FBXL7: variants seen among roughly 807,000 people sequenced by gnomAD.
FBXL7 encodes F-box/LRR-repeat protein 7.
FBXL7 carries 12 observed loss-of-function variants against 38.3 expected under a neutral mutation model. That is an observed-to-expected ratio of 0.31 (90% CI 0.20 to 0.51). The LOEUF is 0.51. Ranked by LOEUF, FBXL7 falls within the 20% of genes least tolerant of loss-of-function variation. FBXL7 has a pLI of 0.98. For missense variants in FBXL7, 567 were observed against 676.4 expected (o/e 0.84, Z 1.79); for synonymous variants, 297 against 300.9 (o/e 0.99, Z 0.13).
At chr5:15,500,821 A>C (rs572636935) in intron 1 of FBXL7, 108 bp downstream of exon 1, 1 of 1,359,134 alleles carries the variant, frequency 7.4e-7, no homozygotes, top group Non-Finnish European at 1.0e-6. Flanking sequence ...GACGCACCCC[A>C]TTTGGCACCC....
In FBXL7 at chr5:15,918,190, G is replaced by A. The variant is rs148923773; in HGVS notation, c.128-9700G>A. 5.6e-4 allele frequency among the ~76,000 whole-genome samples: 85 copies of A among 152,258 alleles called. 1 individual carries two copies. The highest frequency in any genetic ancestry group is 2.0e-3 in the African/African-American group (84 of 41,552). On this transcript the variant is annotated intron_variant, in intron 2 of 3. Transcript: ENST00000504595. ...GGAGGCAGAGGTTGCAATGAGCTGA[G>A]ATCATGCCACTGCACTCCAGCCTGG...
chr5:15,652,219 CT>C (rs1741732979), intron 2 of FBXL7, among the ~76,000 whole-genome samples: 1 of 152,218 alleles, frequency 6.6e-6, no homozygotes, highest in Admixed American at 6.5e-5. Context: ...GGCTATTTCA[CT>C]ATCTTATCAT....
At chr5:15,666,320 G>A (rs997904989) in intron 2 of FBXL7, among the ~76,000 whole-genome samples, 1 of 152,156 alleles carries the variant, frequency 6.6e-6, no homozygotes, top group Non-Finnish European at 1.5e-5. Context: ...ATGTTTAAGT[G>A]TGCAATTCAG....
In FBXL7 at chr5:15,722,216, TAC is replaced by T. The variant is rs1744216256; in HGVS notation, c.127+106145_127+106146del. On this transcript the variant is annotated intron_variant, in intron 2 of 3. Transcript: ENST00000504595. ...CAAAAATATACTGTAAACTTATTGA[TAC>T]CAGTTTTTTACTATTATAAAAATAG... Among the ~76,000 whole-genome samples, 4 of 152,326 alleles carry T rather than the reference TAC, an allele frequency of 2.6e-5. No individual in the cohort carries two copies. The South Asian group carries it at 8.3e-4, about 32-fold the overall frequency.
At chr5:15,804,684 T>C (rs1737658932) in intron 2 of FBXL7, among the ~76,000 whole-genome samples, 1 of 152,090 alleles carries the variant, frequency 6.6e-6, no homozygotes, top group Non-Finnish European at 1.5e-5. Context: ...TATCCTGAGC[T>C]CTGCCTCCTG....
chr5:15,773,925 G>T (rs1505034), intron 2 of FBXL7, among the ~76,000 whole-genome samples: 81,677 of 151,872 alleles, frequency 0.54, 22,234 homozygotes, highest in East Asian at 0.67. Flanking sequence ...TGTTCACTGT[G>T]GTTCCATGTT....
chr5:15,632,436 C>G (rs2126542786), intron 2 of FBXL7, among the ~76,000 whole-genome samples: 1 of 152,230 alleles, frequency 6.6e-6, no homozygotes, highest in Non-Finnish European at 1.5e-5. Flanking sequence ...GGAATGTGGA[C>G]TAGTTCATCC....
At chr5:15,702,059 G>A (rs111753502) in intron 2 of FBXL7, among the ~76,000 whole-genome samples, 3,664 of 152,156 alleles carry the variant, frequency 0.024, 62 homozygotes, top group Admixed American at 0.037. Context: ...CCAACATGGT[G>A]AAACCCCCTC....
intron 2 of FBXL7, among the ~76,000 whole-genome samples, chr5:15,626,794 T>C (rs1398371115): frequency 6.6e-6 from 1 of 152,222 alleles, no homozygotes; most frequent in African/African-American, 2.4e-5. Context: ...ATAGACATTA[T>C]GGTTCATCTA....
At chr5:15,581,150 C>T (rs1275694919) in intron 1 of FBXL7, among the ~76,000 whole-genome samples, 1 of 152,134 alleles carries the variant, frequency 6.6e-6, no homozygotes, top group Non-Finnish European at 1.5e-5. Context: ...CATTTTACCT[C>T]GAAGCCTACT....
intron 1 of FBXL7, among the ~76,000 whole-genome samples, chr5:15,520,322 C>T (rs1322227842): frequency 2.0e-5 from 3 of 152,178 alleles, no homozygotes; most frequent in African/African-American, 7.2e-5. Flanking sequence ...TTTTACCCAG[C>T]TGCTATTCAA....
chr5:15,671,756 T>G (rs1005362348), intron 2 of FBXL7, among the ~76,000 whole-genome samples: 11 of 152,198 alleles, frequency 7.2e-5, no homozygotes, highest in African/African-American at 2.4e-4. Flanking sequence ...AGAGGCTCAG[T>G]GTTGCATTGA....
At chr5:15,536,169 G>A (rs377745148) in intron 1 of FBXL7, among the ~76,000 whole-genome samples, 5 of 152,248 alleles carry the variant, frequency 3.3e-5, no homozygotes, top group South Asian at 2.1e-4. Flanking sequence ...GTATGCAAAC[G>A]TCTGGATGTC....
chr5:15,705,559 A>G (rs4391162), intron 2 of FBXL7, among the ~76,000 whole-genome samples: 8,073 of 152,322 alleles, frequency 0.053, 236 homozygotes, highest in East Asian at 0.087. Context: ...GTAATGAAAA[A>G]TTATCACTAG....
intron 2 of FBXL7, among the ~76,000 whole-genome samples, chr5:15,856,337 T>C (rs754546112): frequency 7.2e-5 from 11 of 151,908 alleles, no homozygotes; most frequent in Non-Finnish European, 1.3e-4. Flanking sequence ...CAATTCAAGA[T>C]GAGATTTGGG....
At chr5:15,562,218 A>G (rs935517112) in intron 1 of FBXL7, among the ~76,000 whole-genome samples, 2 of 152,182 alleles carry the variant, frequency 1.3e-5, no homozygotes, top group African/African-American at 4.8e-5. Flanking sequence ...GATTTCATGG[A>G]TATGACTCCC....
intron 1 of FBXL7, chr5:15,501,744 C>T: frequency 1.0e-6 from 1 of 985,438 alleles, no homozygotes. Context: ...CTCCTCGTTT[C>T]TCAGCAGTTT....
chr5:15,866,369 G>A (rs1259195248), intron 2 of FBXL7, among the ~76,000 whole-genome samples: 1 of 152,084 alleles, frequency 6.6e-6, no homozygotes, highest in Non-Finnish European at 1.5e-5. Flanking sequence ...TATATAATGT[G>A]CATTATCAGA....
chr5:15,751,037 GA>G (rs1736142102), intron 2 of FBXL7, among the ~76,000 whole-genome samples: 1 of 151,876 alleles, frequency 6.6e-6, no homozygotes, highest in South Asian at 2.1e-4. Context: ...AAAGAATGAT[GA>G]TTTTTTTTTT....
Sources: allele counts gnomAD v4.1 joint callset (sites outside exome capture counted in the v4.1 genomes callset), GRCh38; gene constraint gnomAD v4.1.1; transcripts MANE v1.5; gene names NCBI Gene and HGNC (gene_info 2026-07-23, HGNC 2026-07-21).